Variants in TTC28 observed in about 807,000 individuals in gnomAD.
TTC28 encodes tetratricopeptide repeat domain 28.
In TTC28, 61 loss-of-function variants were observed where a neutral mutation model predicts 198.0. The ratio of observed to expected loss-of-function variants is 0.31; its 90% CI spans 0.25 to 0.38. The LOEUF is 0.38. Ranked by LOEUF, TTC28 falls within the 10% of genes least tolerant of loss-of-function variation. The pLI, the probability that TTC28 is intolerant of heterozygous loss-of-function variation, is 1.00. For missense variants in TTC28, 2,678 were observed against 3,164.0 expected (o/e 0.85, Z 3.69); for synonymous variants, 1,171 against 1,297.8 (o/e 0.90, Z 2.10).
At chr22:28,067,631 C>G (rs1940811741) in intron 12 of TTC28, among the ~76,000 whole-genome samples, 1 of 152,126 alleles carries the variant, frequency 6.6e-6, no homozygotes, top group East Asian at 1.9e-4. Context: ...GCTCTGAATC[C>G]TTGGGACTCA....
intron 2 of TTC28, among the ~76,000 whole-genome samples, chr22:28,521,413 TA>T (rs1250132673): frequency 4.0e-5 from 6 of 149,772 alleles, no homozygotes; most frequent in South Asian, 2.1e-4. Context: ...TCTCTTACAT[TA>T]AAAAAAAAGC....
intron 5 of TTC28, among the ~76,000 whole-genome samples, chr22:28,242,588 A>T (rs1929733854): frequency 6.6e-6 from 1 of 152,206 alleles, no homozygotes; most frequent in Non-Finnish European, 1.5e-5. Context: ...CAGAACTCTA[A>T]GCCTTGAATT....
chr22:28,395,509 G>A (rs143458841), intron 2 of TTC28, among the ~76,000 whole-genome samples: 58 of 151,794 alleles, frequency 3.8e-4, no homozygotes, highest in East Asian at 2.5e-3. Context: ...GTGGGCACCC[G>A]TAGTCCCAGC....
chr22:28,552,794 G>GTCTCCC (rs2049702801), intron 2 of TTC28, among the ~76,000 whole-genome samples: 1 of 112,036 alleles, frequency 8.9e-6, no homozygotes, highest in Admixed American at 8.6e-5. Flanking sequence ...TCTCCCCACG[G>GTCTCCC]TCTCCCTCTC....
chr22:28,393,735 C>T (rs2046771549), intron 2 of TTC28, among the ~76,000 whole-genome samples: 1 of 152,086 alleles, frequency 6.6e-6, no homozygotes, highest in Non-Finnish European at 1.5e-5. Context: ...ACGGCTTCAG[C>T]TTGGCTGTTG....
At chr22:28,041,081 G>T (rs1419447339) in intron 12 of TTC28, among the ~76,000 whole-genome samples, 1 of 152,182 alleles carries the variant, frequency 6.6e-6, no homozygotes, top group African/African-American at 2.4e-5. Context: ...CAAAATAAAA[G>T]AGGGCACAAA....
intron 19 of TTC28, 120 bp downstream of exon 19, chr22:27,992,467 G>GAATC: frequency 9.7e-7 from 1 of 1,036,018 alleles, no homozygotes; most frequent in Non-Finnish European, 1.4e-6. Context: ...CTTCTCCTTT[G>GAATC]AATCACAAAG....
At chr22:28,190,140 T>TGC (rs1160554671) in intron 5 of TTC28, among the ~76,000 whole-genome samples, 1 of 152,234 alleles carries the variant, frequency 6.6e-6, no homozygotes, top group East Asian at 1.9e-4. Flanking sequence ...AAGCTGGCTG[T>TGC]GCCCACAACC....
At chr22:28,463,342 G>A (rs148328087) in intron 2 of TTC28, among the ~76,000 whole-genome samples, 1 of 152,254 alleles carries the variant, frequency 6.6e-6, no homozygotes, top group East Asian at 1.9e-4. Context: ...AACCACTGTG[G>A]AAGACAGTGT....
chr22:28,443,640 A>C (rs9613616), intron 2 of TTC28, among the ~76,000 whole-genome samples: 1 of 151,998 alleles, frequency 6.6e-6, no homozygotes, highest in African/African-American at 2.4e-5. Context: ...ACCCAACTCC[A>C]CAGCTCAGTC....
intron 2 of TTC28, among the ~76,000 whole-genome samples, chr22:28,509,060 A>G (rs1451811006): frequency 1.3e-5 from 2 of 152,002 alleles, no homozygotes; most frequent in African/African-American, 2.4e-5. Flanking sequence ...GCACAGTGGC[A>G]TGTGCCTGTA....
intron 2 of TTC28, among the ~76,000 whole-genome samples, chr22:28,475,299 A>G (rs1378030305): frequency 6.6e-6 from 1 of 152,060 alleles, no homozygotes; most frequent in Non-Finnish European, 1.5e-5. Flanking sequence ...GCAGGAAACC[A>G]CCCTGGACAG....
At chr22:28,319,658 A>T (rs565637149) in intron 2 of TTC28, among the ~76,000 whole-genome samples, 1 of 152,332 alleles carries the variant, frequency 6.6e-6, no homozygotes, top group East Asian at 1.9e-4. Flanking sequence ...TTATTAATTT[A>T]AAAAATTCTC....
chr22:28,021,541 G>T (rs528855924), intron 13 of TTC28, among the ~76,000 whole-genome samples: 16 of 152,282 alleles, frequency 1.1e-4, no homozygotes, highest in African/African-American at 3.6e-4. Flanking sequence ...GTGAGCTGCA[G>T]GGGGGGAATT....
intron 22 of TTC28, among the ~76,000 whole-genome samples, chr22:27,984,758 C>A (rs1234982445): frequency 1.4e-4 from 21 of 152,230 alleles, no homozygotes; most frequent in Non-Finnish European, 2.9e-5. Context: ...CACTTTGACC[C>A]ATCTGTCATG....
intron 12 of TTC28, among the ~76,000 whole-genome samples, chr22:28,060,184 G>A (rs532954006): frequency 6.6e-6 from 1 of 152,126 alleles, no homozygotes; most frequent in African/African-American, 2.4e-5. Context: ...TGCCATGTTG[G>A]TGTGCTGCAC....
At chr22:28,469,568 A>T (rs889528330) in intron 2 of TTC28, among the ~76,000 whole-genome samples, 15 of 152,212 alleles carry the variant, frequency 9.9e-5, no homozygotes, top group Non-Finnish European at 1.9e-4. Flanking sequence ...GCAGAGGGAG[A>T]TTTTACTACA....
Position 28,267,635 on chromosome 22 carries a change from T to C in TTC28, c.933+28563A>G, listed in dbSNP as rs571489831. 1.8e-3 allele frequency among the ~76,000 whole-genome samples: 271 copies of C among 152,328 alleles called. 2 individuals are homozygous for C. Among genetic ancestry groups the C allele is most frequent in the African/African-American group, 6.3e-3 (264 of 41,588 alleles). On this transcript the variant is annotated intron_variant, in intron 5 of 22. Transcript: ENST00000397906. ...ACTGAATATGCTAACATGTATAAAATATTTTTTAGTTCTTCAGAGGAAGAT... is the reference window on the plus strand; with the variant it reads ...ACTGAATATGCTAACATGTATAAAACATTTTTTAGTTCTTCAGAGGAAGAT...
intron 5 of TTC28, among the ~76,000 whole-genome samples, chr22:28,242,730 C>T (rs1366411957): frequency 6.6e-6 from 1 of 151,874 alleles, no homozygotes; most frequent in African/African-American, 2.4e-5. Context: ...TTTCCATTAA[C>T]CAACTAATTA....
Sources: gnomAD v4.1 joint callset for allele counts (sites outside exome capture counted in the v4.1 genomes callset) on GRCh38, gnomAD v4.1.1 for gene constraint, MANE v1.5 for transcripts, NCBI Gene and HGNC (gene_info 2026-07-23, HGNC 2026-07-21) for gene names.